Variants in AGMO observed in about 807,000 individuals in gnomAD.
AGMO encodes the protein glyceryl-ether monooxygenase.
In AGMO, 75 loss-of-function variants were observed where a neutral mutation model predicts 60.2. The ratio of observed to expected loss-of-function variants is 1.25; its 90% CI spans 1.03 to 1.51. The LOEUF (loss-of-function observed/expected upper bound fraction) is 1.51, where lower values mean the gene tolerates loss of function less well. AGMO is among the 40% of genes most tolerant of loss of function. The probability of loss-of-function intolerance (pLI) is 0.00; values close to 1 mark genes in which losing one functional copy is unlikely to be tolerated. For missense variants in AGMO, 763 were observed against 525.5 expected (o/e 1.45, Z -4.42); for synonymous variants, 261 against 177.1 (o/e 1.47, Z -3.76).
intron 12 of AGMO, among the ~76,000 whole-genome samples, chr7:15,344,279 C>G (rs965390917): frequency 6.6e-6 from 1 of 152,114 alleles, no homozygotes; most frequent in Non-Finnish European, 1.5e-5. Flanking sequence ...AATGTTTAGT[C>G]TTTTCTCCAA....
intron 3 of AGMO, among the ~76,000 whole-genome samples, chr7:15,434,344 C>G (rs185721242): frequency 6.6e-6 from 1 of 152,200 alleles, no homozygotes; most frequent in East Asian, 1.9e-4. Flanking sequence ...TAATCTCCTA[C>G]CTTTGAGTGT....
At chr7:15,218,323 GTGTA>G (rs1781809203) in intron 12 of AGMO, among the ~76,000 whole-genome samples, 1 of 116,200 alleles carries the variant, frequency 8.6e-6, no homozygotes. Flanking sequence ...ACTATGGTGT[GTGTA>G]TGTGTGTGTG....
the AGMO span, among the ~76,000 whole-genome samples, chr7:15,124,050 A>G: frequency 6.6e-6 from 1 of 152,068 alleles, no homozygotes; most frequent in Non-Finnish European, 1.5e-5. Context: ...TTTTTATGAT[A>G]TTTAGAATCA....
intron 3 of AGMO, among the ~76,000 whole-genome samples, chr7:15,510,839 A>G (rs1783651791): frequency 6.7e-6 from 1 of 148,530 alleles, no homozygotes; most frequent in South Asian, 2.1e-4. Context: ...ATTAATATAA[A>G]CAAGAGTTTA....
At chr7:15,348,545 T>C (rs1782116351) in intron 12 of AGMO, among the ~76,000 whole-genome samples, 1 of 152,090 alleles carries the variant, frequency 6.6e-6, no homozygotes, top group Non-Finnish European at 1.5e-5. Context: ...TTCAGCAACA[T>C]TTCTTCTCAA....
At chr7:15,430,175 T>C (rs1781187122) in intron 4 of AGMO, among the ~76,000 whole-genome samples, 2 of 152,004 alleles carry the variant, frequency 1.3e-5, no homozygotes, top group Admixed American at 6.6e-5. Flanking sequence ...TTAAATGGTA[T>C]CTAACAAAAG....
intron 10 of AGMO, among the ~76,000 whole-genome samples, chr7:15,375,571 A>AT (rs1455152849): frequency 6.6e-6 from 1 of 151,702 alleles, no homozygotes; most frequent in Non-Finnish European, 1.5e-5. Flanking sequence ...TAATTTTTGT[A>AT]TTTTTAGCAG....
the AGMO span, among the ~76,000 whole-genome samples, chr7:15,153,490 C>T: frequency 6.6e-6 from 1 of 152,088 alleles, no homozygotes; most frequent in East Asian, 1.9e-4. Flanking sequence ...AGATTGAAGT[C>T]TTTGATCCAT....
intron 12 of AGMO, among the ~76,000 whole-genome samples, chr7:15,283,396 T>C (rs1423867616): frequency 1.3e-5 from 2 of 151,972 alleles, no homozygotes; most frequent in Non-Finnish European, 2.9e-5. Context: ...AAAAGATATT[T>C]GATGCAAATG....
intron 12 of AGMO, among the ~76,000 whole-genome samples, chr7:15,357,892 G>C (rs1320570911): frequency 6.6e-6 from 1 of 152,086 alleles, no homozygotes; most frequent in Non-Finnish European, 1.5e-5. Flanking sequence ...GCTTGGTCAT[G>C]CAAAAACAGA....
At chr7:15,392,506 A>C (rs1784184917) in intron 6 of AGMO, among the ~76,000 whole-genome samples, 1 of 152,102 alleles carries the variant, frequency 6.6e-6, no homozygotes, top group Non-Finnish European at 1.5e-5. Context: ...ATTAAAAGTC[A>C]AAAATGCTTT....
chr7:15,276,411 T>C (rs1196701229), intron 12 of AGMO, among the ~76,000 whole-genome samples: 2 of 152,172 alleles, frequency 1.3e-5, no homozygotes, highest in East Asian at 3.8e-4. Context: ...AGTGTTAATC[T>C]GATGAGATTT....
At chr7:15,268,615 T>C (rs1043859719) in intron 12 of AGMO, among the ~76,000 whole-genome samples, 5 of 151,952 alleles carry the variant, frequency 3.3e-5, no homozygotes, top group African/African-American at 7.2e-5. Flanking sequence ...AGTGGATACA[T>C]TGAGTGTGGA....
the AGMO span, among the ~76,000 whole-genome samples, chr7:15,147,828 T>C: frequency 2.6e-3 from 388 of 152,116 alleles, no homozygotes; most frequent in African/African-American, 8.7e-3. Context: ...CCCTGAAAAA[T>C]TGTAATGGTA....
intron 5 of AGMO, among the ~76,000 whole-genome samples, chr7:15,411,332 G>A (rs987293196): frequency 8.6e-5 from 13 of 151,768 alleles, no homozygotes; most frequent in Non-Finnish European, 1.3e-4. Context: ...ACTTTGTATT[G>A]TTATAATCCT....
chr7:15,390,649 G>A (rs374593339), intron 8 of AGMO, 22 bp downstream of exon 8: 288 of 1,499,844 alleles, frequency 1.9e-4, no homozygotes, highest in Non-Finnish European at 1.8e-4. Flanking sequence ...AATGAAGAAA[G>A]AATAAAAAAC....
chr7:15,284,186 A>G (rs1784041808), intron 12 of AGMO, among the ~76,000 whole-genome samples: 1 of 152,086 alleles, frequency 6.6e-6, no homozygotes. Context: ...AGAAACAAGA[A>G]CAAACCAAAC....
At chr7:15,181,980 T>C in the AGMO span, among the ~76,000 whole-genome samples, 56,066 of 151,952 alleles carry the variant, frequency 0.37, 11,132 homozygotes, top group Middle Eastern at 0.46. Context: ...CATCCACAGA[T>C]GAAAGGACAA....
At chr7:15,337,904 T>G (rs986247867) in intron 12 of AGMO, among the ~76,000 whole-genome samples, 2 of 152,164 alleles carry the variant, frequency 1.3e-5, no homozygotes, top group African/African-American at 4.8e-5. Flanking sequence ...GATTCTTAGC[T>G]GCAGCAATTA....
Sources: gnomAD v4.1 joint callset for allele counts (sites outside exome capture counted in the v4.1 genomes callset) on GRCh38, gnomAD v4.1.1 for gene constraint, MANE v1.5 for transcripts, NCBI Gene and HGNC (gene_info 2026-07-23, HGNC 2026-07-21) for gene names.